The following TOX3 variants were observed in gnomAD, a reference collection of about 807,000 sequenced individuals.
TOX3 encodes CAG trinucleotide repeat-containing gene F9 protein.
In TOX3, 22 loss-of-function variants were observed where a neutral mutation model predicts 64.3. The observed-to-expected ratio is 0.34, with a 90% CI of 0.24 to 0.49. The LOEUF (loss-of-function observed/expected upper bound fraction) is 0.49, where lower values mean the gene tolerates loss of function less well. Ranked by LOEUF, TOX3 falls within the 20% of genes least tolerant of loss-of-function variation. The pLI is 0.99. For missense variants in TOX3, 661 were observed against 714.4 expected, an observed-to-expected ratio of 0.93 and a Z score of 0.85; for synonymous variants, 291 against 273.6, an observed-to-expected ratio of 1.06 and a Z score of -0.63.
chr16:52,470,933 G>A (rs981759950), intron 1 of TOX3, among the ~76,000 whole-genome samples: 48 of 152,112 alleles, frequency 3.2e-4, no homozygotes, highest in African/African-American at 1.1e-3. Context: ...AGAACTAAAG[G>A]TTTCTATTCT....
chr16:52,448,582 G>C (rs74017814), intron 4 of TOX3, among the ~76,000 whole-genome samples: 1,942 of 152,256 alleles, frequency 0.013, 45 homozygotes, highest in African/African-American at 0.044. Flanking sequence ...CTAACATGAT[G>C]TTATAGAATA....
chr16:52,437,403 CA>C lies in TOX3; in HGVS notation c.*1821del, dbSNP rs1959781347. Reference sequence around the variant, plus strand: ...CATAGTAGCTGTGGAGCGCACCACGCACACCCTCATTCTTTCCAGATTAGGA... The same window carrying C: ...CATAGTAGCTGTGGAGCGCACCACGCCACCCTCATTCTTTCCAGATTAGGA... On this transcript the variant is annotated 3_prime_UTR_variant, in exon 7 of 7. Transcript: ENST00000219746. 1 of 152,208 alleles carries C rather than the reference CA, an allele frequency of 6.6e-6. No homozygotes were observed. The highest frequency in any genetic ancestry group is 2.1e-4 in the South Asian group (1 of 4,828). The allele number at this position is 152,208 out of a possible 1,614,324, so 9.4% of individuals were successfully genotyped here.
At chr16:52,522,729 C>T (rs1444974543) in intron 1 of TOX3, among the ~76,000 whole-genome samples, 1 of 152,198 alleles carries the variant, frequency 6.6e-6, no homozygotes, top group Non-Finnish European at 1.5e-5. Flanking sequence ...AAATGGTCAC[C>T]CTATCTGTGC....
intron 3 of TOX3, among the ~76,000 whole-genome samples, chr16:52,456,861 C>G (rs1287535862): frequency 1.3e-5 from 2 of 152,174 alleles, no homozygotes; most frequent in Non-Finnish European, 2.9e-5. Flanking sequence ...CTGAGTTCTG[C>G]TTTCTTTAAC....
chr16:52,481,427 A>G (rs1287756065), intron 1 of TOX3, among the ~76,000 whole-genome samples: 1 of 152,212 alleles, frequency 6.6e-6, no homozygotes, highest in East Asian at 1.9e-4. Flanking sequence ...TTCCTTAAGT[A>G]TTATAAGGGA....
At chr16:52,448,363 A>C (rs1420542) in intron 4 of TOX3, among the ~76,000 whole-genome samples, 1 of 151,980 alleles carries the variant, frequency 6.6e-6, no homozygotes, top group African/African-American at 2.4e-5. Flanking sequence ...CAATTTCAGT[A>C]TGGTACAGTG....
chr16:52,532,702 A>G (rs986548490), intron 1 of TOX3, among the ~76,000 whole-genome samples: 3 of 152,254 alleles, frequency 2.0e-5, no homozygotes, highest in Non-Finnish European at 4.4e-5. Context: ...TGAAAAACAT[A>G]CGAAGGCAAA....
At position 52,543,053 on chromosome 16, in the gene TOX3, A is replaced by G. The variant is rs190090915; in HGVS notation, c.87+3584T>C. On this transcript the variant is annotated intron_variant, in intron 1 of 6. Coordinates refer to ENST00000219746, the MANE Select transcript of TOX3 (RefSeq NM_001080430.4). Reference sequence around the variant, plus strand: ...AAGTAAGGGTGAGAGGTCAATAGCCATAATTCAAAAGGAAAAGCCCTAAAA... The same window carrying G: ...AAGTAAGGGTGAGAGGTCAATAGCCGTAATTCAAAAGGAAAAGCCCTAAAA... Among the ~76,000 whole-genome samples, 4 of 152,366 alleles carry G rather than the reference A, an allele frequency of 2.6e-5. No homozygotes were observed. The East Asian group carries it at 7.7e-4, about 29-fold the overall frequency.
At chr16:52,453,714 T>C (rs747590619) in intron 3 of TOX3, among the ~76,000 whole-genome samples, 33 of 152,192 alleles carry the variant, frequency 2.2e-4, no homozygotes, top group Non-Finnish European at 4.0e-4. Flanking sequence ...TTTGCACATA[T>C]AGGTGCTCGA....
chr16:52,533,500 C>T (rs1962891376), intron 1 of TOX3, among the ~76,000 whole-genome samples: 1 of 152,188 alleles, frequency 6.6e-6, no homozygotes. Flanking sequence ...TGCAAATCTC[C>T]CTTTTCAACA....
intron 1 of TOX3, among the ~76,000 whole-genome samples, chr16:52,487,922 A>G (rs1011869811): frequency 1.3e-5 from 2 of 152,132 alleles, no homozygotes; most frequent in Non-Finnish European, 2.9e-5. Context: ...GGGAAAAGCA[A>G]ATTTTCCCCC....
intron 6 of TOX3, among the ~76,000 whole-genome samples, chr16:52,440,752 CTTTTTTTTTTTTTT>C (rs60615310): frequency 0.015 from 1,023 of 66,656 alleles, 18 homozygotes; most frequent in African/African-American, 0.046. Flanking sequence ...TTCTTTCTTT[CTTTTTTTTTTTTTT>C]TTTTTTTTTT....
intron 1 of TOX3, among the ~76,000 whole-genome samples, chr16:52,486,725 A>G (rs971984014): frequency 6.6e-6 from 1 of 152,146 alleles, no homozygotes; most frequent in East Asian, 1.9e-4. Flanking sequence ...TGAGCCCTGG[A>G]GTTCGAGACC....
chr16:52,444,260 C>T lies in TOX3; in HGVS notation c.987+16G>A, dbSNP rs1016811760. The T allele has an allele frequency of 1.9e-6, 3 of 1,543,390 alleles. No individual in the cohort carries two copies. The highest frequency in any genetic ancestry group is 2.6e-6 in the Non-Finnish European group (3 of 1,136,816). On this transcript the variant is annotated intron_variant, in intron 6 of 6. Transcript: ENST00000219746. ...TGTGACTATTTTGGAGCCTGGCCGC[C>T]CCTGCCCAGGTTTACCTTAGAAACG... is the stretch of plus-strand genomic sequence containing the variant.
chr16:52,478,774 TAAGGAGGA>T (rs1481208071), intron 1 of TOX3, among the ~76,000 whole-genome samples: 1 of 152,160 alleles, frequency 6.6e-6, no homozygotes, highest in African/African-American at 2.4e-5. Flanking sequence ...TCCTCACTTC[TAAGGAGGA>T]AAGCATAGAA....
At chr16:52,545,510 T>G (rs1963154968) in intron 1 of TOX3, among the ~76,000 whole-genome samples, 1 of 152,260 alleles carries the variant, frequency 6.6e-6, no homozygotes, top group Non-Finnish European at 1.5e-5. Context: ...CTCCTCTTCC[T>G]GTTATTTATT....
At chr16:52,475,314 A>G (rs1250772857) in intron 1 of TOX3, among the ~76,000 whole-genome samples, 2 of 152,198 alleles carry the variant, frequency 1.3e-5, no homozygotes. Flanking sequence ...GTGCAAAATA[A>G]TGATACTCAG....
intron 6 of TOX3, among the ~76,000 whole-genome samples, chr16:52,441,457 C>T (rs1228340382): frequency 6.6e-6 from 1 of 152,154 alleles, no homozygotes; most frequent in Non-Finnish European, 1.5e-5. Flanking sequence ...TAGGGCTGAA[C>T]ATAGAGAGAA....
chr16:52,437,766 A>T lies in TOX3; in HGVS notation c.*1459T>A. ...CAAAAAAGCGATTACTTTTTTCTCT[A>T]TACTTACCTTGTACTTGCATCTTAA... is the stretch of plus-strand genomic sequence containing the variant. On this transcript the variant is annotated 3_prime_UTR_variant, in exon 7 of 7. Coordinates refer to ENST00000219746, the MANE Select transcript of TOX3 (RefSeq NM_001080430.4). Among the ~76,000 whole-genome samples the T allele has an allele frequency of 7.0e-6, 1 of 143,496 alleles. No homozygotes were observed. The highest frequency in any genetic ancestry group is 2.6e-5 in the African/African-American group (1 of 38,060). The allele number at this position is 143,496 out of a possible 152,430, so 94.1% of individuals were successfully genotyped here.
Sources: allele counts gnomAD v4.1 joint callset (sites outside exome capture counted in the v4.1 genomes callset), GRCh38; gene constraint gnomAD v4.1.1; transcripts MANE v1.5; gene names NCBI Gene and HGNC (gene_info 2026-07-23, HGNC 2026-07-21).